TMEM167A: variants seen among roughly 807,000 people sequenced by gnomAD.
TMEM167A encodes the protein transmembrane protein 167A, also known as protein kish-A.
Under a neutral mutation model 11.6 loss-of-function variants are expected in TMEM167A, and 8 were observed. That is an observed-to-expected ratio of 0.69 (90% CI 0.40 to 1.24). The LOEUF is 1.24. TMEM167A is among the 50% of genes most tolerant of loss of function. TMEM167A has a pLI of 0.01. For missense variants in TMEM167A, 62 were observed against 87.0 expected (o/e 0.71, Z 1.14); for synonymous variants, 22 against 28.0 (o/e 0.79, Z 0.67).
Position 83,053,609 on chromosome 5 carries a change from AATC to A in TMEM167A, c.*3472_*3474del. 1 of 152,108 alleles carries A rather than the reference AATC, an allele frequency of 6.6e-6. No homozygotes were observed. Among genetic ancestry groups the A allele is most frequent in the Middle Eastern group, 3.4e-3 (1 of 294 alleles). The allele number at this position is 152,108 out of a possible 1,614,324, so 9.4% of individuals were successfully genotyped here. A position where few individuals can be genotyped will look rare whatever the true frequency, so the allele number is the denominator to read the frequency against. The stretch of plus-strand genomic sequence containing the variant: ...AAACATATTCAATTTTGAGGTAGGT[AATC>A]AACAGGAATGAGAAAAATACAAGAC... On this transcript the variant is annotated 3_prime_UTR_variant, in exon 4 of 4. Transcript: ENST00000502346.
intron 2 of TMEM167A, among the ~76,000 whole-genome samples, chr5:83,062,305 T>C (rs1744418068): frequency 6.6e-6 from 1 of 152,178 alleles, no homozygotes; most frequent in African/African-American, 2.4e-5. Context: ...TTTGGTTGAA[T>C]GTGACACCAA....
At chr5:83,069,039 G>A (rs551705051) in intron 1 of TMEM167A, among the ~76,000 whole-genome samples, 1 of 152,246 alleles carries the variant, frequency 6.6e-6, no homozygotes, top group South Asian at 2.1e-4. Flanking sequence ...TGCCTATTAG[G>A]AAAGTAGAGT....
intron 3 of TMEM167A, among the ~76,000 whole-genome samples, chr5:83,061,093 C>A (rs542439255): frequency 6.6e-6 from 1 of 152,024 alleles, no homozygotes; most frequent in Non-Finnish European, 1.5e-5. Context: ...TACTTTAACT[C>A]GAGTCAAACA....
intron 3 of TMEM167A, among the ~76,000 whole-genome samples, chr5:83,059,166 CAAAA>C (rs369393831): frequency 8.4e-6 from 1 of 118,368 alleles, no homozygotes; most frequent in Non-Finnish European, 1.9e-5. Context: ...AAATAACAAG[CAAAA>C]AAAAAAAAAG....
chr5:83,057,014 A>G lies in TMEM167A; in HGVS notation c.*70T>C, dbSNP rs1435853450. 2.2e-6 allele frequency: 3 copies of G among 1,364,736 alleles called. No individual in the cohort carries two copies. Among genetic ancestry groups the G allele is most frequent in the South Asian group, 1.2e-5 (1 of 85,732 alleles). The allele number at this position is 1,364,736 out of a possible 1,614,324, so 84.5% of individuals were successfully genotyped here. The stretch of plus-strand genomic sequence containing the variant: ...GATAAAAGAGTTAAACATCCTTTCC[A>G]TTATTTTCTGCAGTCAGTCCTTGTT... On this transcript the variant is annotated 3_prime_UTR_variant, in exon 4 of 4. Transcript: ENST00000502346.
At position 83,054,662 on chromosome 5, in the gene TMEM167A, A is replaced by T. The variant is rs1383718817; in HGVS notation, c.*2422T>A. On this transcript the variant is annotated 3_prime_UTR_variant, in exon 4 of 4. Transcript: ENST00000502346. ...AACTCAAGGACACAAAGAAAGGAAC[A>T]ACAGACACTGGGGCCTACTTGAGGG... The T allele has an allele frequency of 6.6e-6, 1 of 152,000 alleles. No homozygotes were observed. Among genetic ancestry groups the T allele is most frequent in the Non-Finnish European group, 1.5e-5 (1 of 67,954 alleles). The allele number at this position is 152,000 out of a possible 1,614,324, so 9.4% of individuals were successfully genotyped here. A position where few individuals can be genotyped will look rare whatever the true frequency, so the allele number is the denominator to read the frequency against.
At position 83,057,271 on chromosome 5, in the gene TMEM167A, G is replaced by C. The variant is rs111955686; in HGVS notation, c.149-117C>G. On this transcript the variant is annotated intron_variant, in intron 3 of 3. Coordinates refer to ENST00000502346, the MANE Select transcript of TMEM167A (RefSeq NM_174909.5). ...TCTTCCCTAGGAGGCCCGCACATTG[G>C]GGGTGGGGCAGTGACAAAAACTAGA... is the stretch of plus-strand genomic sequence containing the variant. The C allele has an allele frequency of 5.7e-4, 486 of 848,348 alleles. 1 individual carries two copies. The African/African-American group carries it at 6.8e-3, about 12-fold the overall frequency. The allele number at this position is 848,348 out of a possible 1,614,324, so 52.6% of individuals were successfully genotyped here. A position where few individuals can be genotyped will look rare whatever the true frequency, so the allele number is the denominator to read the frequency against.
rs1744463032 is a variant in TMEM167A at position 83,065,082 on chromosome 5, TAC to T, written c.37_38del (p.Val13AsnfsTer23). The T allele has an allele frequency of 6.2e-7, 1 of 1,600,328 alleles. No individual in the cohort carries two copies. The highest frequency in any genetic ancestry group is 1.7e-5 in the Admixed American group (1 of 58,686). On this transcript the variant is annotated frameshift_variant, in exon 2 of 4. Coordinates refer to ENST00000502346, the MANE Select transcript of TMEM167A (RefSeq NM_174909.5). LOFTEE classifies it high-confidence loss of function. The stretch of plus-strand genomic sequence containing the variant: ...CACAGGTACATATAAGCAGCAAGAT[TAC>T]AGTCAATAGACTCTGAAAATTGAAA... ...AIFNFQSLLT[V>X]ILLLICTCAY...
intron 1 of TMEM167A, among the ~76,000 whole-genome samples, chr5:83,073,430 C>T (rs985886466): frequency 5.9e-5 from 9 of 152,170 alleles, no homozygotes; most frequent in African/African-American, 1.7e-4. Flanking sequence ...AAAAGCATCA[C>T]CAAACTTCCA....
At chr5:83,064,308 G>A (rs761024713) in intron 2 of TMEM167A, 1 of 518,538 alleles carries the variant, frequency 1.9e-6, no homozygotes, top group Non-Finnish European at 3.9e-6. Context: ...CTGCTCCCAA[G>A]GAATGAGAAG....
At chr5:83,069,271 A>G (rs1176210317) in intron 1 of TMEM167A, among the ~76,000 whole-genome samples, 1 of 152,158 alleles carries the variant, frequency 6.6e-6, no homozygotes, top group Non-Finnish European at 1.5e-5. Flanking sequence ...CTTAATGCTT[A>G]GCATCTGTTG....
In TMEM167A at chr5:83,056,879, T is replaced by C; in HGVS notation, c.*205A>G. 4 of 602,146 alleles carry C rather than the reference T, an allele frequency of 6.6e-6. No individual in the cohort carries two copies. The highest frequency in any genetic ancestry group is 1.2e-5 in the Non-Finnish European group (4 of 339,968). 37.3% of individuals were successfully genotyped at this position (602,146 alleles called of 1,614,324 possible). On this transcript the variant is annotated 3_prime_UTR_variant, in exon 4 of 4. Coordinates refer to ENST00000502346, the MANE Select transcript of TMEM167A (RefSeq NM_174909.5). Reference sequence around the variant, plus strand: ...ATTGTAGTGACAGTACTGAGGTTGATTGTTACAGACTATTAAATGGTTACA... The same window carrying C: ...ATTGTAGTGACAGTACTGAGGTTGACTGTTACAGACTATTAAATGGTTACA...
chr5:83,060,722 T>C (rs1229550078), intron 3 of TMEM167A, among the ~76,000 whole-genome samples: 6 of 151,596 alleles, frequency 4.0e-5, no homozygotes, highest in Non-Finnish European at 8.8e-5. Flanking sequence ...TCCCAGCTAC[T>C]CGGGAGACTG....
In TMEM167A at chr5:83,054,727, A is replaced by ACT. The variant is rs1744304046; in HGVS notation, c.*2355_*2356dup. 6.6e-6 allele frequency: 1 copy of ACT among 151,980 alleles called. No individual in the cohort carries two copies. The highest frequency in any genetic ancestry group is 1.9e-4 in the East Asian group (1 of 5,188). 9.4% of individuals were successfully genotyped at this position (151,980 alleles called of 1,614,324 possible). On this transcript the variant is annotated 3_prime_UTR_variant, in exon 4 of 4. Transcript: ENST00000502346. ...AGGGAGAAGAGCAGGGAAAATAACTACTGGGTACTAGGCTTAGCACCTGGG... is the reference window on the plus strand; with the variant it reads ...AGGGAGAAGAGCAGGGAAAATAACTACTCTGGGTACTAGGCTTAGCACCTGGG...
chr5:83,077,233 C>G lies in TMEM167A; in HGVS notation c.3+88G>C. On this transcript the variant is annotated intron_variant, in intron 1 of 3. Transcript: ENST00000502346. ...GCCTCTCAGCTCCGGGCCCACACAC[C>G]CCGGGCTGCCGCACAAACTCCAGCC... The G allele has an allele frequency of 8.7e-6, 14 of 1,603,904 alleles. No homozygotes were observed. The South Asian group carries it at 1.5e-4, about 18-fold the overall frequency.
At chr5:83,060,225 TC>T (rs1224278180) in intron 3 of TMEM167A, among the ~76,000 whole-genome samples, 1 of 150,606 alleles carries the variant, frequency 6.6e-6, no homozygotes, top group Admixed American at 6.6e-5. Context: ...CAATTCTCTA[TC>T]CTATTAAAAG....
At chr5:83,063,675 C>T (rs887035620) in intron 2 of TMEM167A, among the ~76,000 whole-genome samples, 23 of 152,052 alleles carry the variant, frequency 1.5e-4, no homozygotes, top group African/African-American at 5.5e-4. Context: ...AGATATATTT[C>T]TGTAATACCC....
intron 1 of TMEM167A, 64 bp downstream of exon 1, chr5:83,077,257 C>T: frequency 1.9e-6 from 3 of 1,613,652 alleles, no homozygotes; most frequent in Non-Finnish European, 2.5e-6. Context: ...CAAACTCCAG[C>T]CCTAGTCTAG....
At position 83,054,586 on chromosome 5, in the gene TMEM167A, A is replaced by G. The variant is rs1405471073; in HGVS notation, c.*2498T>C. 1 of 151,984 alleles carries G rather than the reference A, an allele frequency of 6.6e-6. No homozygotes were observed. Among genetic ancestry groups the G allele is most frequent in the Admixed American group, 6.6e-5 (1 of 15,220 alleles). 9.4% of individuals were successfully genotyped at this position (151,984 alleles called of 1,614,324 possible). A position where few individuals can be genotyped will look rare whatever the true frequency, so the allele number is the denominator to read the frequency against. ...ATTATCCTTAGCAAACTAACACAGA[A>G]CAGAAAACCAAATACATGTTCTCAT... On this transcript the variant is annotated 3_prime_UTR_variant, in exon 4 of 4. Coordinates refer to ENST00000502346, the MANE Select transcript of TMEM167A (RefSeq NM_174909.5).
Sources: gnomAD v4.1 joint callset for allele counts (sites outside exome capture counted in the v4.1 genomes callset) on GRCh38, gnomAD v4.1.1 for gene constraint, MANE v1.5 for transcripts, NCBI Gene and HGNC (gene_info 2026-07-23, HGNC 2026-07-21) for gene names.